Variants in PLXDC2 observed in about 807,000 individuals in gnomAD.
PLXDC2 encodes the protein plexin domain containing 2, also known as plexin domain-containing protein 2.
PLXDC2 carries 40 observed loss-of-function variants against 68.9 expected under a neutral mutation model. That is an observed-to-expected ratio of 0.58 (90% confidence interval 0.45 to 0.76). The LOEUF (loss-of-function observed/expected upper bound fraction) is 0.76, where lower values mean the gene tolerates loss of function less well. PLXDC2 is among the 30% of genes least tolerant of loss of function. The probability of loss-of-function intolerance (pLI) is 0.00; values close to 1 mark genes in which losing one functional copy is unlikely to be tolerated. For synonymous variants in PLXDC2, 243 were observed against 234.2 expected (o/e 1.04, Z -0.34); for missense variants, 644 against 661.9 (o/e 0.97, Z 0.30).
chr10:19,981,892 C>G (rs1026998079), intron 1 of PLXDC2, among the ~76,000 whole-genome samples: 1 of 152,174 alleles, frequency 6.6e-6, no homozygotes, highest in Admixed American at 6.5e-5. Context: ...GTGCTAGTCC[C>G]GATTCATTGT....
At chr10:19,885,837 G>C (rs12774498) in intron 1 of PLXDC2, among the ~76,000 whole-genome samples, 1 of 152,088 alleles carries the variant, frequency 6.6e-6, no homozygotes, top group African/African-American at 2.4e-5. Context: ...GGCGATGCAG[G>C]CTCTTTTTTG....
At chr10:19,944,818 G>C (rs1269180334) in intron 1 of PLXDC2, among the ~76,000 whole-genome samples, 2 of 152,126 alleles carry the variant, frequency 1.3e-5, no homozygotes, top group South Asian at 4.1e-4. Flanking sequence ...CAGGTGTGGT[G>C]GTGGGCACCT....
At chr10:19,994,580 C>G (rs563089857) in intron 1 of PLXDC2, among the ~76,000 whole-genome samples, 1 of 152,038 alleles carries the variant, frequency 6.6e-6, no homozygotes, top group Non-Finnish European at 1.5e-5. Context: ...ATCTCCTGGT[C>G]TCAAGCAATC....
chr10:20,047,051 C>T, intron 3 of PLXDC2, 36 bp downstream of exon 3: 1 of 1,530,102 alleles, frequency 6.5e-7, no homozygotes, highest in Non-Finnish European at 8.8e-7. Context: ...ATTTTACCTA[C>T]TGTGAAAAAA....
At chr10:20,059,279 C>G (rs1321751529) in intron 3 of PLXDC2, among the ~76,000 whole-genome samples, 1 of 152,156 alleles carries the variant, frequency 6.6e-6, no homozygotes, top group Non-Finnish European at 1.5e-5. Context: ...CAGCTGGACT[C>G]TCTGAATTCT....
chr10:20,101,805 T>A (rs1179894591), intron 4 of PLXDC2, among the ~76,000 whole-genome samples: 1 of 151,472 alleles, frequency 6.6e-6, no homozygotes, highest in Non-Finnish European at 1.5e-5. Context: ...CTTTTTTTTT[T>A]AATTGTTTTT....
intron 3 of PLXDC2, among the ~76,000 whole-genome samples, chr10:20,066,420 A>C (rs899060664): frequency 6.6e-6 from 1 of 152,242 alleles, no homozygotes. Flanking sequence ...GTGAGAATGC[A>C]TAAGGTAAAT....
chr10:20,151,667 T>C (rs1834154495), intron 6 of PLXDC2, among the ~76,000 whole-genome samples: 1 of 152,192 alleles, frequency 6.6e-6, no homozygotes, highest in Non-Finnish European at 1.5e-5. Context: ...CAATCTTGCT[T>C]ATTAGACTTG....
intron 1 of PLXDC2, among the ~76,000 whole-genome samples, chr10:19,913,520 G>A (rs758543074): frequency 2.2e-4 from 33 of 152,262 alleles, no homozygotes; most frequent in Non-Finnish European, 3.7e-4. Context: ...TTCAAACTTA[G>A]ATGTTTCAAA....
rs925499547 is a variant in PLXDC2, at chr10:19,973,293, T to C, written c.113-28482T>C. Among the ~76,000 whole-genome samples the C allele has an allele frequency of 1.4e-4, 21 of 145,450 alleles. 1 individual carries two copies. The highest frequency in any genetic ancestry group is 5.0e-4 in the African/African-American group (20 of 40,094). On this transcript the variant is annotated intron_variant, in intron 1 of 13. Coordinates refer to ENST00000377252, the MANE Select transcript of PLXDC2 (RefSeq NM_032812.9). ...AGATATATGTATACACATACATATA[T>C]ATGTATATATATATACTCACATATA... is the stretch of plus-strand genomic sequence containing the variant.
At chr10:19,903,816 T>C (rs1252774856) in intron 1 of PLXDC2, among the ~76,000 whole-genome samples, 1 of 152,100 alleles carries the variant, frequency 6.6e-6, no homozygotes, top group African/African-American at 2.4e-5. Context: ...GATGTAGGCA[T>C]GAATGCTATG....
At chr10:19,961,865 A>C (rs1295642337) in intron 1 of PLXDC2, among the ~76,000 whole-genome samples, 2 of 152,130 alleles carry the variant, frequency 1.3e-5, no homozygotes, top group Non-Finnish European at 2.9e-5. Context: ...AAATGATGAC[A>C]CATTTTCTAC....
chr10:20,260,602 G>T (rs990726322), intron 13 of PLXDC2, among the ~76,000 whole-genome samples: 11 of 152,296 alleles, frequency 7.2e-5, no homozygotes, highest in African/African-American at 2.2e-4. Flanking sequence ...CCTGTCGATG[G>T]ACACTTCTGT....
intron 4 of PLXDC2, among the ~76,000 whole-genome samples, chr10:20,104,138 G>A (rs1026516175): frequency 6.6e-6 from 1 of 152,156 alleles, no homozygotes; most frequent in Admixed American, 6.5e-5. Flanking sequence ...GTAGATTTGA[G>A]GAGAGATGAC....
intron 5 of PLXDC2, among the ~76,000 whole-genome samples, chr10:20,143,652 C>G (rs994900892): frequency 2.0e-5 from 3 of 152,012 alleles, no homozygotes; most frequent in African/African-American, 7.2e-5. Flanking sequence ...TTGCTGTAGA[C>G]AAGACCTCAG....
At chr10:20,097,415 C>T (rs1833365262) in intron 4 of PLXDC2, among the ~76,000 whole-genome samples, 1 of 152,164 alleles carries the variant, frequency 6.6e-6, no homozygotes, top group Non-Finnish European at 1.5e-5. Context: ...CATTTATTTT[C>T]CATGGCTGGT....
chr10:20,061,980 A>C (rs1293651020), intron 3 of PLXDC2, among the ~76,000 whole-genome samples: 1 of 152,218 alleles, frequency 6.6e-6, no homozygotes, highest in African/African-American at 2.4e-5. Context: ...TTAAAGAACT[A>C]TTGCTAGACA....
chr10:19,841,926 A>C (rs1024128445), intron 1 of PLXDC2, among the ~76,000 whole-genome samples: 10 of 152,150 alleles, frequency 6.6e-5, no homozygotes, highest in African/African-American at 9.7e-5. Flanking sequence ...CATACAAAAA[A>C]ATAGAAATGA....
intron 9 of PLXDC2, among the ~76,000 whole-genome samples, chr10:20,179,008 T>C (rs1834565839): frequency 6.6e-6 from 1 of 152,098 alleles, no homozygotes; most frequent in African/African-American, 2.4e-5. Flanking sequence ...TATATGCATA[T>C]CAGAAGTTAT....
Sources: gnomAD v4.1 joint callset for allele counts (sites outside exome capture counted in the v4.1 genomes callset) on GRCh38, gnomAD v4.1.1 for gene constraint, MANE v1.5 for transcripts, NCBI Gene and HGNC (gene_info 2026-07-23, HGNC 2026-07-21) for gene names.